The following PLEKHG2 variants were observed in gnomAD, a reference collection of about 807,000 sequenced individuals.
PLEKHG2 encodes the protein pleckstrin homology and RhoGEF domain containing G2, also known as pleckstrin homology domain-containing family G member 2.
In PLEKHG2, 71 loss-of-function variants were observed where a neutral mutation model predicts 104.4. The ratio of observed to expected loss-of-function variants is 0.68; its 90% CI spans 0.56 to 0.83. PLEKHG2 has a LOEUF of 0.83. Among genes scored for constraint, PLEKHG2 ranks in the 40% least tolerant of loss-of-function variants. The pLI is 0.00. For synonymous variants in PLEKHG2, 728 were observed against 737.0 expected (o/e 0.99, Z 0.20); for missense variants, 1,730 against 1,809.4 (o/e 0.96, Z 0.80).
At position 39,423,631 on chromosome 19, in the gene PLEKHG2, G is replaced by T; in HGVS notation, c.2577G>T (p.Leu859=). The T allele has an allele frequency of 6.5e-7, 1 of 1,536,570 alleles. No homozygotes were observed. The highest frequency in any genetic ancestry group is 8.7e-7 in the Non-Finnish European group (1 of 1,142,908). The change falls in exon 18 of 19, where the codon CTG becomes CTT. Residue 859 remains leucine (L), a synonymous_variant. Coordinates refer to ENST00000425673, the MANE Select transcript of PLEKHG2 (RefSeq NM_022835.3). ...CCCAACCCCAGCCATCCCCCTGTCT[G>T]CCCCAGGAGCAGGCAGAGCCAGGTG... The part of the protein sequence containing the change: ...VLAQPQPSPC[L]PQEQAEPGLL...
Position 39,425,007 on chromosome 19 carries a change from C to CA in PLEKHG2, c.3874_3875insA (p.Arg1292GlnfsTer49). The CA allele has an allele frequency of 8.7e-6, 14 of 1,609,082 alleles. No homozygotes were observed. The highest frequency in any genetic ancestry group is 1.2e-5 in the Non-Finnish European group (14 of 1,176,952). On this transcript the variant is annotated frameshift_variant, in exon 19 of 19. Coordinates refer to ENST00000425673, the MANE Select transcript of PLEKHG2 (RefSeq NM_022835.3). LOFTEE classifies it high-confidence loss of function. The stretch of plus-strand genomic sequence containing the variant: ...CTCATATATCAGCCAGAGCCTGGCT[C>CA]GGCGGCAGGGGCCTGGGGGAGGGGC...
intron 12 of PLEKHG2, 26 bp downstream of exon 12, chr19:39,420,685 G>T (rs764495063): frequency 1.2e-6 from 2 of 1,614,086 alleles, no homozygotes; most frequent in South Asian, 1.1e-5. Context: ...GGGCTGGGAG[G>T]GTGTGGAAGT....
Position 39,420,793 on chromosome 19 carries a change from C to A in PLEKHG2, c.1340C>A (p.Pro447Gln). ...CCTGTCCTAGAGCCCCTGACACCCC[C>A]ACTTGGGTCTCCTCGACCTCGAGAT... ...SKPVLEPLTP[P>Q]LGSPRPRDAR... Residue 447 changes from proline (P) to glutamine (Q), a missense_variant, in exon 13 of 19, where the codon CCA (proline) becomes CAA (glutamine). Physicochemically the swap from Pro to Gln is moderately conservative, Grantham distance 76. Coordinates refer to ENST00000425673, the MANE Select transcript of PLEKHG2 (RefSeq NM_022835.3). The A allele has an allele frequency of 6.2e-7, 1 of 1,614,206 alleles. No individual in the cohort carries two copies. Among genetic ancestry groups the A allele is most frequent in the Non-Finnish European group, 8.5e-7 (1 of 1,180,036 alleles).
chr19:39,420,695 T>C (rs376251495), intron 12 of PLEKHG2, 36 bp downstream of exon 12: 10 of 1,614,078 alleles, frequency 6.2e-6, no homozygotes, highest in Admixed American at 1.7e-5. Context: ...GGTGTGGAAG[T>C]AGACGAATTA....
intron 7 of PLEKHG2, 100 bp downstream of exon 7, chr19:39,417,100 AG>A: frequency 7.3e-7 from 1 of 1,371,828 alleles, no homozygotes; most frequent in Non-Finnish European, 9.7e-7. Context: ...GAGTTGGGCA[AG>A]GCCTCCCAAA....
intron 7 of PLEKHG2, 120 bp from the exon 8 acceptor site, chr19:39,417,435 G>A (rs1167681761): frequency 7.7e-7 from 1 of 1,295,978 alleles, no homozygotes; most frequent in Non-Finnish European, 1.0e-6. Context: ...TTACAGACAT[G>A]AGCCACTGCG....
In PLEKHG2 at chr19:39,417,986, G is replaced by T; in HGVS notation, c.964G>T (p.Gly322Ter). 6.4e-7 allele frequency: 1 copy of T among 1,551,224 alleles called. No individual in the cohort carries two copies. Residue 322 changes from glycine (G) to a stop codon, truncating the protein, a stop_gained, in exon 9 of 19, where the codon GGA becomes TGA. Transcript: ENST00000425673. LOFTEE classifies it high-confidence loss of function. ...ACTGGTGTTGGAGGGCGCGTTCCGA[G>T]GAGGCGGAGGGGGTGGCCCCCGGCT... ...GELVLEGAFRGGGGGGPRLRG... is the reference protein window; with the variant it reads ...GELVLEGAFR
chr19:39,415,381 A>C lies in PLEKHG2; in HGVS notation c.421A>C (p.Ser141Arg). The C allele has an allele frequency of 1.2e-6, 2 of 1,614,094 alleles. No individual in the cohort carries two copies. The highest frequency in any genetic ancestry group is 8.5e-7 in the Non-Finnish European group (1 of 1,179,994). Residue 141 changes from serine (S) to arginine (R), a missense_variant, in exon 4 of 19, where the codon AGC (serine) becomes CGC (arginine). Transcript: ENST00000425673. This position sits in a 1 kb window ranked among gnomAD's most constrained non-coding sequence, Gnocchi z 4.6. ...PLLDGGVLGLSVEQVGTLFAN... is the reference protein window; with the variant it reads ...PLLDGGVLGLRVEQVGTLFAN... ...GCTGGACGGCGGGGTCCTGGGGCTG[A>C]GCGTGGAGCAGGTGGGCACGCTGTT...
Position 39,413,939 on chromosome 19 carries a change from T to G in PLEKHG2, c.-22-126T>G. ...TTTCTGTCACTTTGTGCCTCCCCCA[T>G]TAGTTACTCCCAGGGGCCCCTCCCT... On this transcript the variant is annotated intron_variant, in intron 1 of 18. Transcript: ENST00000425673. This position sits in a 1 kb window ranked among gnomAD's most constrained non-coding sequence, Gnocchi z 4.5. The G allele has an allele frequency of 8.6e-6, 5 of 580,498 alleles. No homozygotes were observed. The highest frequency in any genetic ancestry group is 1.5e-5 in the Non-Finnish European group (5 of 326,466). 36.0% of individuals were successfully genotyped at this position (580,498 alleles called of 1,614,324 possible). A position where few individuals can be genotyped will look rare whatever the true frequency, so the allele number is the denominator to read the frequency against.
Position 39,425,013 on chromosome 19 carries a change from C to T in PLEKHG2, c.3880C>T (p.Gln1294Ter). The T allele has an allele frequency of 6.2e-7, 1 of 1,608,288 alleles. No individual in the cohort carries two copies. Among genetic ancestry groups the T allele is most frequent in the Non-Finnish European group, 8.5e-7 (1 of 1,176,552 alleles). ...SYISQSLARR[Q>*]GPGGGAPAAS... Reference sequence around the variant, plus strand: ...TATCAGCCAGAGCCTGGCTCGGCGGCAGGGGCCTGGGGGAGGGGCCCCCGC... The same window carrying T: ...TATCAGCCAGAGCCTGGCTCGGCGGTAGGGGCCTGGGGGAGGGGCCCCCGC... Residue 1294 changes from glutamine to a stop codon, truncating the protein, a stop_gained, in exon 19 of 19, where the codon CAG becomes TAG. Transcript: ENST00000425673. LOFTEE classifies it high-confidence loss of function.
At chr19:39,422,372 G>A (rs1600661996) in intron 17 of PLEKHG2, 84 bp downstream of exon 17, 2 of 1,394,536 alleles carry the variant, frequency 1.4e-6, no homozygotes, top group East Asian at 2.6e-5. Context: ...AGCCCATGCT[G>A]ATACCTTTAT....
intron 2 of PLEKHG2, 73 bp downstream of exon 2, chr19:39,414,268 T>C: frequency 6.9e-7 from 1 of 1,444,422 alleles, no homozygotes; most frequent in Non-Finnish European, 9.5e-7. Context: ...GGCAGGGTGA[T>C]GGAGACAACC....
Position 39,413,773 on chromosome 19 carries a change from G to A in PLEKHG2, c.-22-292G>A, listed in dbSNP as rs1264677032. 5.2e-6 allele frequency: 1 copy of A among 192,540 alleles called. No homozygotes were observed. The highest frequency in any genetic ancestry group is 2.3e-5 in the African/African-American group (1 of 42,628). The allele number at this position is 192,540 out of a possible 1,614,324, so 11.9% of individuals were successfully genotyped here. A position where few individuals can be genotyped will look rare whatever the true frequency, so the allele number is the denominator to read the frequency against. ...TGCCCCTCGCCCTCCGCTCCAGCTGGAGCCCAAACGTTCCCAGGATCCCTA... is the reference window on the plus strand; with the variant it reads ...TGCCCCTCGCCCTCCGCTCCAGCTGAAGCCCAAACGTTCCCAGGATCCCTA... On this transcript the variant is annotated intron_variant, in intron 1 of 18. Coordinates refer to ENST00000425673, the MANE Select transcript of PLEKHG2 (RefSeq NM_022835.3). This position sits in a 1 kb window ranked among gnomAD's most constrained non-coding sequence, Gnocchi z 4.5.
rs2078781048 is a variant in PLEKHG2, at chr19:39,426,297, C to T, written c.*1003C>T. 6.6e-6 allele frequency: 1 copy of T among 152,206 alleles called. No homozygotes were observed. The highest frequency in any genetic ancestry group is 2.4e-5 in the African/African-American group (1 of 41,406). The allele number at this position is 152,206 out of a possible 1,614,324, so 9.4% of individuals were successfully genotyped here. A position where few individuals can be genotyped will look rare whatever the true frequency, so the allele number is the denominator to read the frequency against. ...CTCTTGAATATCCCAGTTCTTGTAC[C>T]CACTCACATACCTCAGATCCCTTCA... On this transcript the variant is annotated 3_prime_UTR_variant, in exon 19 of 19. Transcript: ENST00000425673.
chr19:39,417,698 C>T lies in PLEKHG2; in HGVS notation c.882+6C>T. 1.2e-6 allele frequency: 2 copies of T among 1,612,496 alleles called. No homozygotes were observed. The highest frequency in any genetic ancestry group is 1.7e-6 in the Non-Finnish European group (2 of 1,179,672). Reference sequence around the variant, plus strand: ...AGCATGCAGCGCGCCTCCAGGTGGCCCCAGGGTGGGCTGGGGCTTGCTGGA... The same window carrying T: ...AGCATGCAGCGCGCCTCCAGGTGGCTCCAGGGTGGGCTGGGGCTTGCTGGA... On this transcript the variant is annotated splice_donor_region_variant and intron_variant, in intron 8 of 18. Coordinates refer to ENST00000425673, the MANE Select transcript of PLEKHG2 (RefSeq NM_022835.3).
Position 39,417,565 on chromosome 19 carries a change from A to AGCACTGGGCGGAGGGCCCAG in PLEKHG2, c.764_783dup (p.Gly262ArgfsTer19). On this transcript the variant is annotated frameshift_variant, in exon 8 of 19. Transcript: ENST00000425673. LOFTEE classifies it high-confidence loss of function. Reference sequence around the variant, plus strand: ...GTGGCTGCCTGACAGGAACTAGGGAAGCACTGGGCGGAGGGCCCAGGCACT... The same window carrying AGCACTGGGCGGAGGGCCCAG: ...GTGGCTGCCTGACAGGAACTAGGGAAGCACTGGGCGGAGGGCCCAGGCACTGGGCGGAGGGCCCAGGCACT... The AGCACTGGGCGGAGGGCCCAG allele has an allele frequency of 6.2e-7, 1 of 1,614,024 alleles. No individual in the cohort carries two copies. Among genetic ancestry groups the AGCACTGGGCGGAGGGCCCAG allele is most frequent in the Non-Finnish European group, 8.5e-7 (1 of 1,179,972 alleles).
Position 39,426,284 on chromosome 19 carries a change from C to T in PLEKHG2, c.*990C>T, listed in dbSNP as rs1244910571. ...TTCCCGTCAGTTCCTCTTGAATATCCCAGTTCTTGTACCCACTCACATACC... is the reference window on the plus strand; with the variant it reads ...TTCCCGTCAGTTCCTCTTGAATATCTCAGTTCTTGTACCCACTCACATACC... On this transcript the variant is annotated 3_prime_UTR_variant, in exon 19 of 19. Transcript: ENST00000425673. 6.6e-6 allele frequency: 1 copy of T among 152,230 alleles called. No homozygotes were observed. Among genetic ancestry groups the T allele is most frequent in the East Asian group, 1.9e-4 (1 of 5,192 alleles). 9.4% of individuals were successfully genotyped at this position (152,230 alleles called of 1,614,324 possible).
At position 39,425,070 on chromosome 19, in the gene PLEKHG2, A is replaced by G; in HGVS notation, c.3937A>G (p.Thr1313Ala). 1 of 1,595,010 alleles carries G rather than the reference A, an allele frequency of 6.3e-7. No homozygotes were observed. The highest frequency in any genetic ancestry group is 1.3e-5 in the African/African-American group (1 of 74,280). ...CCGGGGCTCCTGGTCCTCTGCTCCC[A>G]CGTCACGGGCATCTTCGCCGCCCCC... Reference protein sequence around the residue: ...ASRGSWSSAPTSRASSPPPQP... With the variant: ...ASRGSWSSAPASRASSPPPQP... Residue 1313 changes from threonine to alanine, a missense_variant, in exon 19 of 19, where the codon ACG becomes GCG. Coordinates refer to ENST00000425673, the MANE Select transcript of PLEKHG2 (RefSeq NM_022835.3).
At position 39,425,449 on chromosome 19, in the gene PLEKHG2, T is replaced by TATCCCAAAAGTCC; in HGVS notation, c.*155_*156insATCCCAAAAGTCC. 1 of 1,239,832 alleles carries TATCCCAAAAGTCC rather than the reference T, an allele frequency of 8.1e-7. No homozygotes were observed. Among genetic ancestry groups the TATCCCAAAAGTCC allele is most frequent in the Non-Finnish European group, 1.1e-6 (1 of 936,118 alleles). 76.8% of individuals were successfully genotyped at this position (1,239,832 alleles called of 1,614,324 possible). Reference sequence around the variant, plus strand: ...GCATCGGCGAATGGCCCTTCTTGCCTTGATCCACAGGGATGGGGAAGGGAG... The same window carrying TATCCCAAAAGTCC: ...GCATCGGCGAATGGCCCTTCTTGCCTATCCCAAAAGTCCTGATCCACAGGGATGGGGAAGGGAG... On this transcript the variant is annotated 3_prime_UTR_variant, in exon 19 of 19. Transcript: ENST00000425673.
Sources: gnomAD v4.1 joint callset for allele counts on GRCh38, gnomAD v4.1.1 for gene constraint, Gnocchi (gnomAD v3.1) non-coding constraint, MANE v1.5 for transcripts, NCBI Gene and HGNC (gene_info 2026-07-23, HGNC 2026-07-21) for gene names.